Variants in SHC3 observed in about 807,000 individuals in gnomAD.
SHC3 encodes SHC-transforming protein 3.
In SHC3, 15 loss-of-function variants were observed where a neutral mutation model predicts 60.4. The observed-to-expected ratio is 0.25, with a 90% CI of 0.17 to 0.38. The LOEUF (loss-of-function observed/expected upper bound fraction) is 0.38, where lower values mean the gene tolerates loss of function less well. Ranked by LOEUF, SHC3 falls within the 10% of genes least tolerant of loss-of-function variation. SHC3 has a pLI of 1.00. For synonymous variants in SHC3, 294 were observed against 325.9 expected (o/e 0.90, Z 1.05); for missense variants, 677 against 786.1 (o/e 0.86, Z 1.66).
rs552666912 is a variant in SHC3, at chr9:89,037,866, C to T, written c.1656+127G>A. Reference sequence around the variant, plus strand: ...CAGGAGTTGTCTGTCCCTGCGTTCCCCTGGAGGACTCAGTAGGCACTTGTG... The same window carrying T: ...CAGGAGTTGTCTGTCCCTGCGTTCCTCTGGAGGACTCAGTAGGCACTTGTG... On this transcript the variant is annotated intron_variant, in intron 11 of 11. Coordinates refer to ENST00000375835, the MANE Select transcript of SHC3 (RefSeq NM_016848.6). 1.9e-5 allele frequency: 24 copies of T among 1,243,296 alleles called. No homozygotes were observed. In the African/African-American group the frequency reaches 3.6e-4, roughly 19 times the overall value. 77.0% of individuals were successfully genotyped at this position (1,243,296 alleles called of 1,614,324 possible).
intron 2 of SHC3, chr9:89,109,489 T>C: frequency 1.0e-6 from 1 of 985,500 alleles, no homozygotes; most frequent in Non-Finnish European, 1.2e-6. Context: ...CCTTGGACTT[T>C]TGTTTTCTGA....
At chr9:89,110,014 A>G (rs1348452795) in intron 2 of SHC3, 5 of 985,340 alleles carry the variant, frequency 5.1e-6, no homozygotes, top group Admixed American at 6.1e-5. Flanking sequence ...TGCAATATAC[A>G]CATACACTGA....
rs113158088 is a variant in SHC3, at chr9:89,173,252, C to T, written c.474+4735G>A. 2.2e-3 allele frequency among the ~76,000 whole-genome samples: 328 copies of T among 152,378 alleles called. 1 individual carries two copies. Among genetic ancestry groups the T allele is most frequent in the African/African-American group, 7.2e-3 (299 of 41,584 alleles). On this transcript the variant is annotated intron_variant, in intron 1 of 11. Transcript: ENST00000375835. ...GGCCAGGTGTCTGCTCTAATGTCCC[C>T]TACCCTAAGCCAGGCACTGCAGGCC...
chr9:89,008,315 T>G lies in SHC3; in HGVS notation c.*5132A>C, dbSNP rs944271710. 6.6e-6 allele frequency: 1 copy of G among 152,168 alleles called. No individual in the cohort carries two copies. The highest frequency in any genetic ancestry group is 2.4e-5 in the African/African-American group (1 of 41,442). 9.4% of individuals were successfully genotyped at this position (152,168 alleles called of 1,614,324 possible). ...AGCACGGACCCTGGGATCTGTGACA[T>G]GAAGTGGTGTGAAAGCATAATTATA... On this transcript the variant is annotated 3_prime_UTR_variant, in exon 12 of 12. Coordinates refer to ENST00000375835, the MANE Select transcript of SHC3 (RefSeq NM_016848.6).
intron 1 of SHC3, among the ~76,000 whole-genome samples, chr9:89,146,216 G>T (rs140322974): frequency 0.034 from 5,203 of 152,026 alleles, 176 homozygotes; most frequent in African/African-American, 0.083. Context: ...AATTAGCTGG[G>T]GGTCGTGGTG....
At chr9:89,035,830 A>AATATATATATATATAT (rs1185604208) in intron 11 of SHC3, among the ~76,000 whole-genome samples, 21 of 106,440 alleles carry the variant, frequency 2.0e-4, no homozygotes, top group Middle Eastern at 4.7e-3. Flanking sequence ...AAACAAACAA[A>AATATATATATATATAT]ATATATATAT....
In SHC3 at chr9:89,012,042, G is replaced by A. The variant is rs994831272; in HGVS notation, c.*1405C>T. 2.0e-5 allele frequency: 3 copies of A among 152,198 alleles called. No homozygotes were observed. The highest frequency in any genetic ancestry group is 6.5e-5 in the Admixed American group (1 of 15,280). 9.4% of individuals were successfully genotyped at this position (152,198 alleles called of 1,614,324 possible). A position where few individuals can be genotyped will look rare whatever the true frequency, so the allele number is the denominator to read the frequency against. On this transcript the variant is annotated 3_prime_UTR_variant, in exon 12 of 12. Transcript: ENST00000375835. ...CTATCCAACTCTAAGCGTGTTTAGT[G>A]TGTCTTTCTGTTCTGCTGACCCATA...
intron 1 of SHC3, among the ~76,000 whole-genome samples, chr9:89,118,221 T>TA (rs1826044455): frequency 9.5e-6 from 1 of 105,242 alleles, no homozygotes; most frequent in South Asian, 2.9e-4. Flanking sequence ...TCTCTACCTA[T>TA]TTTTTTTTTT....
At chr9:89,037,517 A>G in intron 11 of SHC3, 1 of 716,948 alleles carries the variant, frequency 1.4e-6, no homozygotes. Flanking sequence ...CATCAGTAGG[A>G]GTTACTTCTC....
intron 1 of SHC3, among the ~76,000 whole-genome samples, chr9:89,131,492 C>T (rs541461488): frequency 3.3e-5 from 5 of 152,206 alleles, no homozygotes; most frequent in African/African-American, 9.6e-5. Flanking sequence ...TGATGCACAT[C>T]GATGCAAAAA....
intron 11 of SHC3, among the ~76,000 whole-genome samples, chr9:89,015,560 A>G (rs1190905517): frequency 2.0e-5 from 3 of 152,204 alleles, no homozygotes; most frequent in African/African-American, 7.2e-5. Flanking sequence ...AAACACACAT[A>G]TATGTATTTA....
intron 1 of SHC3, among the ~76,000 whole-genome samples, chr9:89,170,411 T>A (rs1390939653): frequency 6.6e-6 from 1 of 152,216 alleles, no homozygotes; most frequent in African/African-American, 2.4e-5. Context: ...TTTGGGAGGC[T>A]GAGGCAGACA....
chr9:89,135,883 T>C (rs1283207039), intron 1 of SHC3, among the ~76,000 whole-genome samples: 2 of 152,232 alleles, frequency 1.3e-5, no homozygotes, highest in Non-Finnish European at 2.9e-5. Context: ...GAAAGCCTTC[T>C]TATTTAGTTT....
At chr9:89,135,421 T>G (rs1826304177) in intron 1 of SHC3, among the ~76,000 whole-genome samples, 1 of 152,106 alleles carries the variant, frequency 6.6e-6, no homozygotes. Context: ...TAAAAAAAAG[T>G]CTTATCTAAG....
chr9:89,160,010 C>T (rs73500117), intron 1 of SHC3, among the ~76,000 whole-genome samples: 4,936 of 152,338 alleles, frequency 0.032, 246 homozygotes, highest in African/African-American at 0.11. Context: ...TGGCCAGCAA[C>T]ACACTGGTCA....
chr9:89,034,413 A>T (rs138073269), intron 11 of SHC3, among the ~76,000 whole-genome samples: 238 of 152,332 alleles, frequency 1.6e-3, no homozygotes, highest in African/African-American at 5.4e-3. Flanking sequence ...CAGTGCAATC[A>T]TTCCTTTTCA....
intron 1 of SHC3, among the ~76,000 whole-genome samples, chr9:89,122,925 G>T (rs1254554708): frequency 1.3e-5 from 2 of 152,188 alleles, no homozygotes; most frequent in African/African-American, 4.8e-5. Flanking sequence ...GAAAAGAAAG[G>T]CTTTATGGCA....
At chr9:89,120,574 C>T (rs796217163) in intron 1 of SHC3, among the ~76,000 whole-genome samples, 14 of 152,298 alleles carry the variant, frequency 9.2e-5, no homozygotes, top group African/African-American at 2.6e-4. Flanking sequence ...ACATATTCTT[C>T]GAGCAAATGT....
intron 2 of SHC3, among the ~76,000 whole-genome samples, chr9:89,092,760 G>A (rs1052090637): frequency 6.8e-6 from 1 of 147,808 alleles, no homozygotes; most frequent in Non-Finnish European, 1.5e-5. Context: ...GTGTGTGTGT[G>A]TATGTGTGTG....
Sources: gnomAD v4.1 joint callset for allele counts (sites outside exome capture counted in the v4.1 genomes callset) on GRCh38, gnomAD v4.1.1 for gene constraint, MANE v1.5 for transcripts, NCBI Gene and HGNC (gene_info 2026-07-23, HGNC 2026-07-21) for gene names.